PCNX2: variants seen among roughly 807,000 people sequenced by gnomAD.
PCNX2 encodes the protein pecanex-like protein 2.
PCNX2 carries 168 observed loss-of-function variants against 223.8 expected under a neutral mutation model. The observed-to-expected ratio is 0.75, with a 90% confidence interval of 0.66 to 0.85. The LOEUF (loss-of-function observed/expected upper bound fraction) is 0.85. Among genes scored for constraint, PCNX2 ranks in the 40% least tolerant of loss-of-function variants. PCNX2 has a pLI of 0.00. For missense variants in PCNX2, 2,507 were observed against 2,675.5 expected (o/e 0.94, Z 1.39); for synonymous variants, 1,006 against 1,052.6 (o/e 0.96, Z 0.86).
chr1:233,129,100 T>C (rs989084870), intron 21 of PCNX2, among the ~76,000 whole-genome samples: 6 of 152,356 alleles, frequency 3.9e-5, no homozygotes, highest in East Asian at 1.9e-4. Context: ...GCCGGCTCCC[T>C]CAGCTTGCCA....
intron 8 of PCNX2, among the ~76,000 whole-genome samples, chr1:233,242,093 G>A (rs1658805088): frequency 6.6e-6 from 1 of 152,162 alleles, no homozygotes; most frequent in South Asian, 2.1e-4. Context: ...AGAACTCTGA[G>A]GAGGTAGTAA....
rs547762445 is a variant in PCNX2, at chr1:233,079,738, T to C, written c.4076+10323A>G. Reference sequence around the variant, plus strand: ...GGGATAGGGGAGTGTCATCATTCTCTGTGTCCCTCGGCCCAGCCTTCCTTT... The same window carrying C: ...GGGATAGGGGAGTGTCATCATTCTCCGTGTCCCTCGGCCCAGCCTTCCTTT... On this transcript the variant is annotated intron_variant, in intron 23 of 33. Transcript: ENST00000258229. Among the ~76,000 whole-genome samples, 5 of 152,290 alleles carry C rather than the reference T, an allele frequency of 3.3e-5. No homozygotes were observed. The East Asian group carries it at 9.7e-4, about 29-fold the overall frequency.
In PCNX2 at chr1:233,022,908, G is replaced by T. The variant is rs181110873; in HGVS notation, c.4605+2238C>A. On this transcript the variant is annotated intron_variant, in intron 26 of 33. Transcript: ENST00000258229. ...GATGGGGTTTCTCCATGTTGGTCAGGCTGGTCTTGAACTCCCGACCTCAAG... is the reference window on the plus strand; with the variant it reads ...GATGGGGTTTCTCCATGTTGGTCAGTCTGGTCTTGAACTCCCGACCTCAAG... 4.2e-3 allele frequency among the ~76,000 whole-genome samples: 645 copies of T among 152,086 alleles called. 4 individuals carry two copies. Among genetic ancestry groups the T allele is most frequent in the Non-Finnish European group, 4.0e-3 (274 of 67,982 alleles).
intron 28 of PCNX2, among the ~76,000 whole-genome samples, chr1:233,006,574 G>C (rs915329885): frequency 3.3e-5 from 5 of 152,120 alleles, no homozygotes; most frequent in African/African-American, 1.2e-4. Flanking sequence ...GAGGAGAAGG[G>C]CTCCAAGTAT....
the PCNX2 span, among the ~76,000 whole-genome samples, chr1:233,321,546 C>T: frequency 6.1e-3 from 936 of 152,300 alleles, 19 homozygotes; most frequent in East Asian, 0.063. Flanking sequence ...GATCCGCCCA[C>T]CTTGGCCTCC....
At chr1:233,325,779 G>C in the PCNX2 span, among the ~76,000 whole-genome samples, 1 of 152,154 alleles carries the variant, frequency 6.6e-6, no homozygotes. Context: ...ATTTTGAAAC[G>C]ACAAAAAGGA....
In PCNX2 at chr1:233,139,607, TCA is replaced by T. The variant is rs945103519; in HGVS notation, c.3659+105_3659+106del. ...CCATGGCTTATTTTTACATGGCCAA[TCA>T]CAGTCGGTAAAGGTTGGCTTCTTCT... On this transcript the variant is annotated intron_variant, in intron 20 of 33. Transcript: ENST00000258229. This position sits in a 1 kb window ranked among gnomAD's most constrained non-coding sequence, Gnocchi z 4.4. The T allele has an allele frequency of 1.8e-5, 24 of 1,313,230 alleles. No individual in the cohort carries two copies. Among genetic ancestry groups the T allele is most frequent in the Admixed American group, 1.2e-4 (5 of 40,140 alleles). 81.3% of individuals were successfully genotyped at this position (1,313,230 alleles called of 1,614,324 possible). A position where few individuals can be genotyped will look rare whatever the true frequency, so the allele number is the denominator to read the frequency against.
the PCNX2 span, among the ~76,000 whole-genome samples, chr1:233,307,101 T>C: frequency 2.0e-5 from 3 of 152,192 alleles, no homozygotes; most frequent in African/African-American, 7.2e-5. Context: ...ACCTCAGAAT[T>C]TTCTTCAGAA....
chr1:233,031,637 T>C, intron 25 of PCNX2: 1 of 537,466 alleles, frequency 1.9e-6, no homozygotes, highest in Admixed American at 6.4e-5. Flanking sequence ...GATAACAGTC[T>C]ATGAAATAGG....
At chr1:233,098,943 T>C (rs951897537) in intron 21 of PCNX2, among the ~76,000 whole-genome samples, 2 of 152,224 alleles carry the variant, frequency 1.3e-5, no homozygotes, top group African/African-American at 4.8e-5. Context: ...ACAAAAGAGT[T>C]TGATAAATGT....
Position 233,263,096 on chromosome 1 carries a change from A to C in PCNX2, c.221T>G (p.Ile74Ser). 6.2e-7 allele frequency: 1 copy of C among 1,613,384 alleles called. No individual in the cohort carries two copies. The highest frequency in any genetic ancestry group is 1.1e-5 in the South Asian group (1 of 91,072). The change falls in exon 2 of 34, where the codon ATC (isoleucine) becomes AGC (serine). Residue 74 changes from isoleucine to serine, a missense_variant. Physicochemically the swap from Ile to Ser is moderately radical, Grantham distance 142 (BLOSUM62 -2). Transcript: ENST00000258229. The stretch of plus-strand genomic sequence containing the variant: ...GTGTAGGCGATAACTGACCAGTTTG[A>C]TTATTGTGAAGAATATAGTCACTGC... ...CSAVTIFFTI[I>S]KLVSYRLHLM...
chr1:233,116,193 C>T (rs1049296999), intron 21 of PCNX2, among the ~76,000 whole-genome samples: 6 of 152,112 alleles, frequency 3.9e-5, no homozygotes, highest in South Asian at 2.1e-4. Context: ...AACTTCAACA[C>T]ACCACTCTCA....
chr1:233,288,168 A>C (rs1356910576), intron 1 of PCNX2, among the ~76,000 whole-genome samples: 1 of 152,240 alleles, frequency 6.6e-6, no homozygotes, highest in Non-Finnish European at 1.5e-5. Flanking sequence ...AGGAGACCAA[A>C]TGATTAAAGC....
the PCNX2 span, among the ~76,000 whole-genome samples, chr1:233,309,738 CATG>C: frequency 9.9e-5 from 15 of 151,640 alleles, no homozygotes; most frequent in Non-Finnish European, 2.2e-4. Flanking sequence ...ATTAGACAGG[CATG>C]GTGGTGGGCG....
intron 15 of PCNX2, among the ~76,000 whole-genome samples, chr1:233,196,287 A>AAT (rs779579750): frequency 6.6e-6 from 1 of 152,090 alleles, no homozygotes; most frequent in Non-Finnish European, 1.5e-5. Flanking sequence ...GTAGTACAAA[A>AAT]ATATTTGTGA....
intron 19 of PCNX2, among the ~76,000 whole-genome samples, chr1:233,154,438 T>C (rs1377026699): frequency 6.6e-6 from 1 of 152,204 alleles, no homozygotes; most frequent in East Asian, 1.9e-4. Flanking sequence ...CCAAAAAGTA[T>C]AGCTTAAGCT....
chr1:233,188,165 A>C (rs1680211340), intron 15 of PCNX2, among the ~76,000 whole-genome samples: 1 of 152,122 alleles, frequency 6.6e-6, no homozygotes, highest in Admixed American at 6.5e-5. Context: ...GGTCTCCTAG[A>C]CTGAAATGTC....
intron 9 of PCNX2, chr1:233,231,607 A>T (rs1432469259): frequency 1.0e-6 from 1 of 966,454 alleles, no homozygotes; most frequent in Non-Finnish European, 1.2e-6. Context: ...CTCAGAACGT[A>T]TCTGTAGATT....
Position 233,253,685 on chromosome 1 carries a change from C to A in PCNX2, c.1835-897G>T, listed in dbSNP as rs574527027. On this transcript the variant is annotated intron_variant, in intron 5 of 33. Coordinates refer to ENST00000258229, the MANE Select transcript of PCNX2 (RefSeq NM_014801.4). The surrounding 1 kb of genome is among the most constrained non-coding windows in gnomAD (Gnocchi z 4.2). ...AATATGCTTAGCACTGTGTAGGACA[C>A]AGAGAGCTACAATACCTATTCCTTG... Among the ~76,000 whole-genome samples, 1 of 152,330 alleles carries A rather than the reference C, an allele frequency of 6.6e-6. No homozygotes were observed. Among genetic ancestry groups the A allele is most frequent in the East Asian group, 1.9e-4 (1 of 5,178 alleles).
Sources: gnomAD v4.1 joint callset for allele counts (sites outside exome capture counted in the v4.1 genomes callset) on GRCh38, gnomAD v4.1.1 for gene constraint, Gnocchi (gnomAD v3.1) non-coding constraint, MANE v1.5 for transcripts, NCBI Gene and HGNC (gene_info 2026-07-23, HGNC 2026-07-21) for gene names.